Variants in CALN1 observed in about 807,000 individuals in gnomAD.
CALN1 encodes the protein calneuron 1, also known as calcium-binding protein 8.
CALN1 carries 17 observed loss-of-function variants against 30.6 expected under a neutral mutation model. The observed-to-expected ratio is 0.56, with a 90% confidence interval of 0.38 to 0.83. The LOEUF is 0.83. Ranked by LOEUF, CALN1 falls within the 40% of genes least tolerant of loss-of-function variation. The probability of loss-of-function intolerance (pLI) is 0.00; values close to 1 mark genes in which losing one functional copy is unlikely to be tolerated. For synonymous variants in CALN1, 156 were observed against 131.4 expected, an observed-to-expected ratio of 1.19 and a Z score of -1.28; for missense variants, 291 against 354.9, an observed-to-expected ratio of 0.82 and a Z score of 1.45.
the CALN1 span, among the ~76,000 whole-genome samples, chr7:72,493,716 T>C: frequency 6.6e-6 from 1 of 152,256 alleles, no homozygotes; most frequent in Non-Finnish European, 1.5e-5. Context: ...TCAAACATTT[T>C]GGTTACTATT....
chr7:72,393,412 C>T (rs530512633), intron 2 of CALN1, among the ~76,000 whole-genome samples: 5 of 152,066 alleles, frequency 3.3e-5, no homozygotes, highest in African/African-American at 7.2e-5. Context: ...TGCAGTGAGC[C>T]GAGATCGCGC....
At chr7:72,248,446 T>C (rs982481184) in intron 3 of CALN1, among the ~76,000 whole-genome samples, 2 of 152,168 alleles carry the variant, frequency 1.3e-5, no homozygotes, top group Non-Finnish European at 2.9e-5. Context: ...CCTTGGCTCA[T>C]GGCCCCTTCC....
At chr7:71,944,465 A>G (rs1796297960) in intron 5 of CALN1, among the ~76,000 whole-genome samples, 3 of 151,902 alleles carry the variant, frequency 2.0e-5, no homozygotes. Context: ...ATGGTGGCAC[A>G]TGCCTGTAAT....
chr7:72,264,944 T>G (rs1408387199), intron 3 of CALN1, among the ~76,000 whole-genome samples: 1 of 152,196 alleles, frequency 6.6e-6, no homozygotes, highest in Non-Finnish European at 1.5e-5. Flanking sequence ...AGTATTTGGT[T>G]TCCTGTTCTT....
intron 3 of CALN1, among the ~76,000 whole-genome samples, chr7:72,231,117 C>T (rs200652538): frequency 1.4e-5 from 2 of 147,402 alleles, no homozygotes; most frequent in African/African-American, 5.0e-5. Flanking sequence ...GCAGTACACG[C>T]TTTTTTTTTT....
At chr7:72,092,990 GTTT>G (rs1311147837) in intron 4 of CALN1, among the ~76,000 whole-genome samples, 4 of 152,068 alleles carry the variant, frequency 2.6e-5, no homozygotes, top group African/African-American at 9.7e-5. Flanking sequence ...TAATTTTGTG[GTTT>G]TAAGCCACTG....
At chr7:71,882,140 A>C (rs1270670258) in intron 5 of CALN1, among the ~76,000 whole-genome samples, 2 of 152,160 alleles carry the variant, frequency 1.3e-5, no homozygotes, top group African/African-American at 4.8e-5. Flanking sequence ...GGAAGCTCTA[A>C]GGCAGAATCC....
At chr7:72,491,187 T>G in the CALN1 span, among the ~76,000 whole-genome samples, 1 of 149,734 alleles carries the variant, frequency 6.7e-6, no homozygotes, top group Admixed American at 6.7e-5. Flanking sequence ...GAGTTTGCAG[T>G]GAGCCAACCA....
At chr7:72,222,481 G>C (rs1250714220) in intron 3 of CALN1, among the ~76,000 whole-genome samples, 1 of 152,162 alleles carries the variant, frequency 6.6e-6, no homozygotes, top group Non-Finnish European at 1.5e-5. Context: ...CTGTCATAAG[G>C]ACAGTACCAA....
chr7:72,390,197 G>A (rs573295636), intron 2 of CALN1, among the ~76,000 whole-genome samples: 19 of 152,166 alleles, frequency 1.2e-4, no homozygotes, highest in Admixed American at 2.0e-4. Flanking sequence ...TTGGGAGGCC[G>A]AGGCGGGTGA....
chr7:72,013,093 C>T (rs780082809), intron 5 of CALN1, among the ~76,000 whole-genome samples: 104 of 152,064 alleles, frequency 6.8e-4, no homozygotes, highest in Admixed American at 1.1e-3. Context: ...CCACTGTACC[C>T]GGCCGGCTTT....
At chr7:72,382,667 AC>A (rs757913096) in intron 2 of CALN1, among the ~76,000 whole-genome samples, 2 of 152,046 alleles carry the variant, frequency 1.3e-5, no homozygotes, top group Non-Finnish European at 2.9e-5. Context: ...CTTTATGTAC[AC>A]ATGTACCCAA....
At chr7:71,822,525 G>A (rs1448746391) in intron 5 of CALN1, among the ~76,000 whole-genome samples, 1 of 152,228 alleles carries the variant, frequency 6.6e-6, no homozygotes, top group Non-Finnish European at 1.5e-5. Flanking sequence ...TGGGATTGCA[G>A]GCGTGAGTCA....
intron 3 of CALN1, among the ~76,000 whole-genome samples, chr7:72,255,123 T>A (rs1366350392): frequency 6.6e-6 from 1 of 151,910 alleles, no homozygotes; most frequent in Non-Finnish European, 1.5e-5. Flanking sequence ...TCTCTCTCTG[T>A]CACCCAGCCT....
chr7:72,309,289 T>C (rs533819202), intron 2 of CALN1, among the ~76,000 whole-genome samples: 2 of 152,344 alleles, frequency 1.3e-5, no homozygotes, highest in African/African-American at 4.8e-5. Flanking sequence ...TTCATCTTTC[T>C]GAAGTCACAT....
intron 4 of CALN1, among the ~76,000 whole-genome samples, chr7:72,053,572 T>C (rs1802977495): frequency 6.6e-6 from 1 of 152,296 alleles, no homozygotes; most frequent in Admixed American, 6.5e-5. Flanking sequence ...CCAGCATGTG[T>C]CATTTTTTTT....
At chr7:71,834,434 A>G (rs1389111702) in intron 5 of CALN1, among the ~76,000 whole-genome samples, 2 of 151,528 alleles carry the variant, frequency 1.3e-5, no homozygotes, top group African/African-American at 4.9e-5. Flanking sequence ...AAATACGTAT[A>G]TAGAAGTGGT....
intron 5 of CALN1, among the ~76,000 whole-genome samples, chr7:71,830,562 G>C (rs763403402): frequency 6.6e-6 from 1 of 151,854 alleles, no homozygotes; most frequent in Non-Finnish European, 1.5e-5. Context: ...TGTCCAGGCC[G>C]GTCTTGAACT....
At chr7:72,010,587 G>GA (rs1488863357) in intron 5 of CALN1, among the ~76,000 whole-genome samples, 1 of 151,972 alleles carries the variant, frequency 6.6e-6, no homozygotes, top group African/African-American at 2.4e-5. Context: ...CGAGGTGGGC[G>GA]AATCACCTGC....
Sources: allele counts gnomAD v4.1 joint callset (sites outside exome capture counted in the v4.1 genomes callset), GRCh38; gene constraint gnomAD v4.1.1; transcripts MANE v1.5; gene names NCBI Gene and HGNC (gene_info 2026-07-23, HGNC 2026-07-21).